CTNNA2: variants seen among roughly 807,000 people sequenced by gnomAD.
The protein encoded by CTNNA2 is catenin alpha-2.
CTNNA2 carries 42 observed loss-of-function variants against 101.0 expected under a neutral mutation model. The observed-to-expected ratio is 0.42, with a 90% CI of 0.32 to 0.54. The LOEUF (loss-of-function observed/expected upper bound fraction) is 0.54, where lower values mean the gene tolerates loss of function less well. Ranked by LOEUF, CTNNA2 falls within the 20% of genes least tolerant of loss-of-function variation. The pLI is 0.14. For synonymous variants in CTNNA2, 450 were observed against 456.4 expected (o/e 0.99, Z 0.18); for missense variants, 871 against 1,223.1 (o/e 0.71, Z 4.29).
intron 9 of CTNNA2, among the ~76,000 whole-genome samples, chr2:80,428,643 A>T (rs1681204986): frequency 6.6e-6 from 1 of 152,164 alleles, no homozygotes; most frequent in African/African-American, 2.4e-5. Flanking sequence ...TGTCTGATAG[A>T]TGTGGTCCTA....
chr2:80,644,318 C>T (rs1037614970), intron 18 of CTNNA2, among the ~76,000 whole-genome samples: 1 of 152,154 alleles, frequency 6.6e-6, no homozygotes, highest in African/African-American at 2.4e-5. Flanking sequence ...TAAGTGCTCA[C>T]TGAATTTTGA....
At chr2:79,424,603 A>C (rs1197227072) in intron 4 of CTNNA2, among the ~76,000 whole-genome samples, 1 of 152,144 alleles carries the variant, frequency 6.6e-6, no homozygotes, top group Non-Finnish European at 1.5e-5. Context: ...GAATATCTGA[A>C]TAAGTGAGTC....
chr2:79,534,368 G>A (rs1329957889), intron 1 of CTNNA2, among the ~76,000 whole-genome samples: 2 of 152,052 alleles, frequency 1.3e-5, no homozygotes, highest in Non-Finnish European at 2.9e-5. Flanking sequence ...TATAGATACC[G>A]AGTTGAAGGC....
At chr2:80,032,275 G>A (rs529951586) in intron 7 of CTNNA2, among the ~76,000 whole-genome samples, 3 of 152,150 alleles carry the variant, frequency 2.0e-5, no homozygotes, top group Non-Finnish European at 2.9e-5. Context: ...CCAACCTGTT[G>A]GCCATAATAA....
intron 9 of CTNNA2, among the ~76,000 whole-genome samples, chr2:80,533,926 A>T (rs562534862): frequency 6.6e-6 from 1 of 152,302 alleles, no homozygotes; most frequent in Admixed American, 6.5e-5. Context: ...AGCCAGCATC[A>T]AGAAGGCATT....
intron 7 of CTNNA2, among the ~76,000 whole-genome samples, chr2:80,262,175 TGAAG>T (rs1672658273): frequency 6.6e-6 from 1 of 152,164 alleles, no homozygotes; most frequent in Non-Finnish European, 1.5e-5. Context: ...CATATGTATA[TGAAG>T]ATCTCCAGAT....
At chr2:80,165,299 C>CT (rs879745446) in intron 7 of CTNNA2, among the ~76,000 whole-genome samples, 1,666 of 146,344 alleles carry the variant, frequency 0.011, 35 homozygotes, top group African/African-American at 0.038. Context: ...TTTTTCTTTC[C>CT]TTTTTTTTTT....
intron 3 of CTNNA2, among the ~76,000 whole-genome samples, chr2:79,800,008 C>G (rs757401484): frequency 1.3e-5 from 2 of 152,122 alleles, no homozygotes; most frequent in African/African-American, 4.8e-5. Context: ...GTGACTGATA[C>G]AGTTTTTCAG....
At chr2:80,436,561 G>A (rs537286073) in intron 9 of CTNNA2, among the ~76,000 whole-genome samples, 2 of 152,230 alleles carry the variant, frequency 1.3e-5, no homozygotes, top group Admixed American at 6.5e-5. Context: ...GTGACCCTCT[G>A]TTTTGGTCTA....
chr2:80,611,628 T>C (rs1698475292), intron 17 of CTNNA2, among the ~76,000 whole-genome samples: 1 of 151,648 alleles, frequency 6.6e-6, no homozygotes, highest in Non-Finnish European at 1.5e-5. Context: ...TGGAGATGTA[T>C]ACATGGATCT....
chr2:79,746,295 G>A (rs1671641683), intron 3 of CTNNA2, among the ~76,000 whole-genome samples: 1 of 152,034 alleles, frequency 6.6e-6, no homozygotes, highest in Non-Finnish European at 1.5e-5. Context: ...TCTTTATATA[G>A]TCTGGATATT....
At chr2:80,016,153 A>G (rs1393678075) in intron 7 of CTNNA2, among the ~76,000 whole-genome samples, 4 of 152,238 alleles carry the variant, frequency 2.6e-5, no homozygotes, top group African/African-American at 7.2e-5. Context: ...AATTTTCTGC[A>G]GTGTAGAAGT....
chr2:80,293,416 T>C (rs956289216), intron 7 of CTNNA2, among the ~76,000 whole-genome samples: 2 of 152,220 alleles, frequency 1.3e-5, no homozygotes, highest in Admixed American at 6.5e-5. Context: ...CCTAAAAATA[T>C]GTGATTTTTA....
At chr2:79,986,260 T>C (rs1691751153) in intron 7 of CTNNA2, among the ~76,000 whole-genome samples, 1 of 152,192 alleles carries the variant, frequency 6.6e-6, no homozygotes, top group African/African-American at 2.4e-5. Context: ...GCTTCTTCCT[T>C]TGAAAACAGA....
intron 9 of CTNNA2, among the ~76,000 whole-genome samples, chr2:80,420,063 A>C (rs888582985): frequency 2.2e-5 from 3 of 138,308 alleles, no homozygotes; most frequent in East Asian, 2.0e-4. Context: ...AAAAAAAAAA[A>C]CCCACCTTCC....
At chr2:79,740,287 T>C (rs573755285) in intron 2 of CTNNA2, among the ~76,000 whole-genome samples, 1 of 152,336 alleles carries the variant, frequency 6.6e-6, no homozygotes, top group African/African-American at 2.4e-5. Flanking sequence ...TTGCTAAGGA[T>C]AATGTCCTCT....
intron 7 of CTNNA2, among the ~76,000 whole-genome samples, chr2:80,145,028 C>T (rs920048836): frequency 2.0e-5 from 3 of 152,136 alleles, no homozygotes; most frequent in African/African-American, 4.8e-5. Flanking sequence ...GCAAAATCAC[C>T]CTTGGTTGAG....
intron 7 of CTNNA2, among the ~76,000 whole-genome samples, chr2:80,157,806 C>T (rs1382865573): frequency 1.3e-5 from 2 of 151,992 alleles, no homozygotes; most frequent in Non-Finnish European, 2.9e-5. Context: ...CTGCAGTTTA[C>T]TGGTGTTCCA....
intron 7 of CTNNA2, among the ~76,000 whole-genome samples, chr2:80,243,060 T>C (rs1018510422): frequency 1.3e-5 from 2 of 152,186 alleles, no homozygotes; most frequent in East Asian, 1.9e-4. Flanking sequence ...GGTCAGGTTG[T>C]TTAGAGAAGA....
Sources: allele counts gnomAD v4.1 joint callset (sites outside exome capture counted in the v4.1 genomes callset), GRCh38; gene constraint gnomAD v4.1.1; transcripts MANE v1.5; gene names NCBI Gene and HGNC (gene_info 2026-07-23, HGNC 2026-07-21).